EIF2S3: variants seen among roughly 807,000 people sequenced by gnomAD.
EIF2S3 encodes the protein eukaryotic translation initiation factor 2 subunit 3.
Under a neutral mutation model 31.7 loss-of-function variants are expected in EIF2S3, and 2 were observed. That is an observed-to-expected ratio of 0.06 (90% CI 0.03 to 0.20). The LOEUF (loss-of-function observed/expected upper bound fraction) is 0.20. EIF2S3 is among the 10% of genes least tolerant of loss of function. EIF2S3 has a pLI of 1.00. For missense variants in EIF2S3, 96 were observed against 359.3 expected, an observed-to-expected ratio of 0.27 and a Z score of 5.92; for synonymous variants, 120 against 126.7, an observed-to-expected ratio of 0.95 and a Z score of 0.36.
intron 4 of EIF2S3, among the ~76,000 whole-genome samples, chrX:24,059,637 GGT>G (rs1183787807): frequency 9.0e-6 from 1 of 111,163 alleles, no homozygotes; most frequent in Non-Finnish European, 1.9e-5. Flanking sequence ...TGGTCAGGCT[GGT>G]CTCAAACTCC....
chrX:24,063,642 C>T (rs1284581506), intron 6 of EIF2S3, among the ~76,000 whole-genome samples: 1 of 110,683 alleles, frequency 9.0e-6, no homozygotes, highest in Non-Finnish European at 1.9e-5. Flanking sequence ...CTTGGTGGCA[C>T]ACACCTGTGT....
chrX:24,068,689 C>G (rs904653326), intron 9 of EIF2S3, among the ~76,000 whole-genome samples: 2 of 111,566 alleles, frequency 1.8e-5, no homozygotes, highest in South Asian at 3.7e-4. Flanking sequence ...CAGGCAGTCC[C>G]CCTGCCTCGG....
intron 6 of EIF2S3, among the ~76,000 whole-genome samples, chrX:24,063,624 T>C (rs1930526413): frequency 9.0e-6 from 1 of 110,714 alleles, no homozygotes. Context: ...TACAAAAAAT[T>C]AGCTGGGCTT....
In EIF2S3 at chrX:24,071,213, CAG is replaced by C. The variant is rs368397111; in HGVS notation, c.1013-342_1013-341del. ...AATTCACTTTTTTTTTTTTTGGAGA[CAG>C]AGTCTCACTCTGTCACCCAGGTTGG... On this transcript the variant is annotated intron_variant, in intron 9 of 11. Transcript: ENST00000253039. 6.9e-3 allele frequency among the ~76,000 whole-genome samples: 722 copies of C among 105,162 alleles called. 8 individuals are homozygous for C. The highest frequency in any genetic ancestry group is 0.024 in the African/African-American group (685 of 28,570). 91.3% of individuals were successfully genotyped at this position (105,162 alleles called of 115,157 possible).
intron 8 of EIF2S3, 119 bp downstream of exon 8, chrX:24,066,211 T>C: frequency 6.0e-6 from 3 of 497,169 alleles, no homozygotes; most frequent in Non-Finnish European, 6.3e-6. Context: ...AAAAATAAAA[T>C]TTTTTCCATG....
At chrX:24,061,188 CAG>C (rs763196047) in intron 5 of EIF2S3, among the ~76,000 whole-genome samples, 1 of 102,532 alleles carries the variant, frequency 9.8e-6, no homozygotes, top group Non-Finnish European at 2.0e-5. Context: ...ACCCAGGAGA[CAG>C]AGGTTGCAGT....
At chrX:24,061,031 G>A (rs951653871) in intron 5 of EIF2S3, among the ~76,000 whole-genome samples, 8 of 106,580 alleles carry the variant, frequency 7.5e-5, no homozygotes, top group African/African-American at 1.4e-4. Context: ...CGAGGCAGGC[G>A]GATCACTTGA....
intron 9 of EIF2S3, among the ~76,000 whole-genome samples, chrX:24,069,686 C>CTT (rs754589833): frequency 0.039 from 2,394 of 60,875 alleles, 171 homozygotes; most frequent in African/African-American, 0.1. Context: ...TTTTTAATTT[C>CTT]TTTTTTTTTT....
intron 10 of EIF2S3, among the ~76,000 whole-genome samples, chrX:24,072,170 C>T (rs1422758987): frequency 9.0e-6 from 1 of 111,680 alleles, no homozygotes; most frequent in East Asian, 2.8e-4. Context: ...TGAGCCACTG[C>T]GTCCGGCCAA....
At chrX:24,071,148 G>A (rs764084707) in intron 9 of EIF2S3, among the ~76,000 whole-genome samples, 5 of 110,331 alleles carry the variant, frequency 4.5e-5, no homozygotes, top group Non-Finnish European at 7.6e-5. Flanking sequence ...GTATGAAAGT[G>A]TGTAGGTATA....
chrX:24,056,996 A>ACAG (rs1165381854), intron 2 of EIF2S3, among the ~76,000 whole-genome samples: 2 of 111,236 alleles, frequency 1.8e-5, no homozygotes, highest in Non-Finnish European at 1.9e-5. Context: ...GTTGATATTT[A>ACAG]CAGCAAGTTA....
chrX:24,062,663 T>C, intron 6 of EIF2S3, 89 bp downstream of exon 6: 1 of 1,028,481 alleles, frequency 9.7e-7, no homozygotes, highest in Non-Finnish European at 1.3e-6. Flanking sequence ...TTTTAATATA[T>C]TATCTAAAAC....
rs758813480 is a variant in EIF2S3 at position 24,074,862 on chromosome X, C to CTT, written c.1355+1619_1355+1620dup. On this transcript the variant is annotated intron_variant, in intron 11 of 11. Transcript: ENST00000253039. ...GTACTCATCATTTTTTTTTCTTCTT[C>CTT]TTTTTTTTTTTTTTTTTTTTTGAGA... 6.8e-3 allele frequency among the ~76,000 whole-genome samples: 321 copies of CTT among 47,399 alleles called. 20 individuals carry two copies. The highest frequency in any genetic ancestry group is 9.0e-3 in the Non-Finnish European group (258 of 28,718). 41.2% of individuals were successfully genotyped at this position (47,399 alleles called of 115,157 possible). A position where few individuals can be genotyped will look rare whatever the true frequency, so the allele number is the denominator to read the frequency against.
intron 1 of EIF2S3, 147 bp downstream of exon 1, chrX:24,055,184 T>C: frequency 1.6e-6 from 1 of 627,259 alleles, no homozygotes; most frequent in Non-Finnish European, 2.4e-6. Flanking sequence ...CCCTAAGCCA[T>C]GCTCGCGCCG....
rs1930790323 is a variant in EIF2S3, at chrX:24,078,380, A to G, written c.*1595A>G. Reference sequence around the variant, plus strand: ...AGGTTCTGTTGAGCAGTGATTTGCAACTCTTGCTGACGTTGCTGGGGAAGC... The same window carrying G: ...AGGTTCTGTTGAGCAGTGATTTGCAGCTCTTGCTGACGTTGCTGGGGAAGC... On this transcript the variant is annotated 3_prime_UTR_variant, in exon 12 of 12. Transcript: ENST00000253039. Among the ~76,000 whole-genome samples the G allele has an allele frequency of 9.2e-6, 1 of 109,246 alleles. No homozygotes were observed. The highest frequency in any genetic ancestry group is 3.3e-5 in the African/African-American group (1 of 30,010). 94.9% of individuals were successfully genotyped at this position (109,246 alleles called of 115,157 possible).
intron 11 of EIF2S3, among the ~76,000 whole-genome samples, chrX:24,074,626 A>G (rs927848548): frequency 2.7e-5 from 3 of 110,576 alleles, no homozygotes; most frequent in Non-Finnish European, 3.8e-5. Flanking sequence ...GGGTTGCAGT[A>G]TCCTCCCTCA....
At chrX:24,070,805 A>G (rs1930658564) in intron 9 of EIF2S3, among the ~76,000 whole-genome samples, 1 of 111,848 alleles carries the variant, frequency 8.9e-6, no homozygotes, top group African/African-American at 3.3e-5. Flanking sequence ...GTATTCTGCA[A>G]ACTACTCATT....
At chrX:24,055,860 T>C (rs1930396251) in intron 2 of EIF2S3, among the ~76,000 whole-genome samples, 182 bp downstream of exon 2, 1 of 111,925 alleles carries the variant, frequency 8.9e-6, no homozygotes, top group Non-Finnish European at 1.9e-5. Flanking sequence ...TGCCCACATG[T>C]AGCTTACAGA....
At chrX:24,064,403 A>T in intron 7 of EIF2S3, 68 bp downstream of exon 7, 4 of 1,069,423 alleles carry the variant, frequency 3.7e-6, no homozygotes, top group Middle Eastern at 2.6e-4. Flanking sequence ...CTCTTCAAGG[A>T]TGTTTATTAA....
Sources: allele counts gnomAD v4.1 joint callset (sites outside exome capture counted in the v4.1 genomes callset), GRCh38; gene constraint gnomAD v4.1.1; transcripts MANE v1.5; gene names NCBI Gene and HGNC (gene_info 2026-07-23, HGNC 2026-07-21).